The following SLC35D2 variants were observed in gnomAD, a reference collection of about 807,000 sequenced individuals.
SLC35D2 encodes the protein solute carrier family 35 member D2.
In SLC35D2, 43 loss-of-function variants were observed where a neutral mutation model predicts 41.8. The ratio of observed to expected loss-of-function variants is 1.03; its 90% CI spans 0.81 to 1.33. The LOEUF is 1.33. Ranked by LOEUF, SLC35D2 falls within the 40% of genes most tolerant of loss-of-function variation. The pLI, the probability that SLC35D2 is intolerant of heterozygous loss-of-function variation, is 0.00. For synonymous variants in SLC35D2, 150 were observed against 163.9 expected, an observed-to-expected ratio of 0.92 and a Z score of 0.65; for missense variants, 380 against 408.4, an observed-to-expected ratio of 0.93 and a Z score of 0.60.
chr9:96,315,887 T>G (rs979832741), downstream of SLC35D2, among the ~76,000 whole-genome samples: 27 of 152,218 alleles, frequency 1.8e-4, no homozygotes, highest in Non-Finnish European at 2.4e-4. Flanking sequence ...TTTAATGTGA[T>G]GTACTGAAAA....
At chr9:96,325,932 T>A (rs778716828) in intron 9 of SLC35D2, among the ~76,000 whole-genome samples, 5 of 152,100 alleles carry the variant, frequency 3.3e-5, no homozygotes, top group Non-Finnish European at 5.9e-5. Context: ...CTAGAGGTGG[T>A]AGAGGGAAAA....
At position 96,355,751 on chromosome 9, in the gene SLC35D2, C is replaced by T. The variant is rs142855274; in HGVS notation, c.348-3642G>A. On this transcript the variant is annotated intron_variant, in intron 4 of 11. Coordinates refer to ENST00000253270, the MANE Select transcript of SLC35D2 (RefSeq NM_007001.3). The stretch of plus-strand genomic sequence containing the variant: ...ACCTCAGGTGATCCACCTGCCTTGG[C>T]CTCCAAAGTGCTGGGATTACAGGCG... Among the ~76,000 whole-genome samples, 696 of 152,216 alleles carry T rather than the reference C, an allele frequency of 4.6e-3. 6 individuals carry two copies. The highest frequency in any genetic ancestry group is 0.037 in the Middle Eastern group (11 of 294).
intron 1 of SLC35D2, 94 bp from the exon 2 acceptor site, chr9:96,368,399 G>A (rs1587715034): frequency 2.2e-6 from 2 of 928,766 alleles, no homozygotes; most frequent in Non-Finnish European, 3.2e-6. Flanking sequence ...AACAATCTGA[G>A]AAAATGAAAA....
chr9:96,324,549 C>CTTT lies in SLC35D2; in HGVS notation c.753-383_753-381dup, dbSNP rs57775451. Among the ~76,000 whole-genome samples, 295 of 117,746 alleles carry CTTT rather than the reference C, an allele frequency of 2.5e-3. 14 individuals are homozygous for CTTT. Among genetic ancestry groups the CTTT allele is most frequent in the Middle Eastern group, 5.0e-3 (1 of 200 alleles). 77.2% of individuals were successfully genotyped at this position (117,746 alleles called of 152,430 possible). On this transcript the variant is annotated intron_variant, in intron 9 of 11. Coordinates refer to ENST00000253270, the MANE Select transcript of SLC35D2 (RefSeq NM_007001.3). ...CTGTGCCTCAGAATCGCCTGCTGCA[C>CTTT]TTTTTTTTTTTTTTTTTGGTGGGGA...
At position 96,355,848 on chromosome 9, in the gene SLC35D2, T is replaced by C. The variant is rs73538918; in HGVS notation, c.348-3739A>G. On this transcript the variant is annotated intron_variant, in intron 4 of 11. Transcript: ENST00000253270. ...AGAAAGTAATGAAGACCTAAATAAA[T>C]GGAAAGACACTCCATGTTCATGGAT... Among the ~76,000 whole-genome samples the C allele has an allele frequency of 2.7e-3, 413 of 152,262 alleles. 1 individual carries two copies. Among genetic ancestry groups the C allele is most frequent in the African/African-American group, 9.0e-3 (376 of 41,548 alleles).
At chr9:96,378,076 A>G (rs1198610664) in intron 1 of SLC35D2, among the ~76,000 whole-genome samples, 1 of 142,908 alleles carries the variant, frequency 7.0e-6, no homozygotes. Flanking sequence ...GAGGATTCCA[A>G]TTCAGTACCT....
chr9:96,330,963 C>G (rs1236547428), intron 9 of SLC35D2, among the ~76,000 whole-genome samples: 3 of 152,128 alleles, frequency 2.0e-5, no homozygotes, highest in Non-Finnish European at 4.4e-5. Context: ...AATGGCACAG[C>G]CTCGGCTCAC....
rs1830047737 is a variant in SLC35D2, at chr9:96,356,852, G to A, written c.347+3302C>T. 2.6e-5 allele frequency among the ~76,000 whole-genome samples: 4 copies of A among 152,030 alleles called. No homozygotes were observed. In the South Asian group the frequency reaches 8.3e-4, roughly 32 times the overall value. ...ACTGTGCTACCACACTCCAGCCTGG[G>A]TGACAGAGCAAGACCCTGTCTCAAA... is the stretch of plus-strand genomic sequence containing the variant. On this transcript the variant is annotated intron_variant, in intron 4 of 11. Transcript: ENST00000253270.
chr9:96,358,078 T>TAATATATATATATATATA (rs1491320526), intron 4 of SLC35D2, among the ~76,000 whole-genome samples: 1 of 79,254 alleles, frequency 1.3e-5, no homozygotes, highest in Non-Finnish European at 2.4e-5. Flanking sequence ...ATATTATATA[T>TAATATATATATATATATA]TTTATATATA....
At chr9:96,334,892 G>A (rs969195152) in intron 9 of SLC35D2, among the ~76,000 whole-genome samples, 2 of 152,156 alleles carry the variant, frequency 1.3e-5, no homozygotes, top group Non-Finnish European at 2.9e-5. Context: ...GGAAAAAACT[G>A]TGGAACTTTT....
chr9:96,315,877 T>C (rs1191765145), downstream of SLC35D2, among the ~76,000 whole-genome samples: 1 of 152,220 alleles, frequency 6.6e-6, no homozygotes, highest in Non-Finnish European at 1.5e-5. Context: ...ACACACTATT[T>C]TTAATGTGAT....
chr9:96,366,258 C>T (rs575578865), intron 2 of SLC35D2, among the ~76,000 whole-genome samples: 9 of 138,602 alleles, frequency 6.5e-5, no homozygotes, highest in Non-Finnish European at 1.4e-4. Context: ...ACCAAGATCA[C>T]ACCACTGTAC....
At chr9:96,345,249 T>C (rs1353601528) in intron 7 of SLC35D2, 50 bp downstream of exon 7, 1 of 903,706 alleles carries the variant, frequency 1.1e-6, no homozygotes, top group Non-Finnish European at 1.8e-6. Flanking sequence ...TTTCATATAA[T>C]TCTAGGGGCC....
chr9:96,343,818 C>T (rs1368976704), intron 8 of SLC35D2, 86 bp downstream of exon 8: 5 of 822,368 alleles, frequency 6.1e-6, no homozygotes, highest in Non-Finnish European at 9.3e-6. Context: ...TAACTTTACA[C>T]TTTTTGTTTC....
chr9:96,374,532 C>CA (rs35986252), intron 1 of SLC35D2, among the ~76,000 whole-genome samples: 1,298 of 82,274 alleles, frequency 0.016, 12 homozygotes, highest in African/African-American at 0.026. Flanking sequence ...GACTCCGTCT[C>CA]AAAAAAAAAA....
At chr9:96,318,906 C>T (rs1282281319), downstream of SLC35D2, among the ~76,000 whole-genome samples, 1 of 151,966 alleles carries the variant, frequency 6.6e-6, no homozygotes, top group Non-Finnish European at 1.5e-5. Flanking sequence ...AAATTGGAAC[C>T]CTTGATGGCG....
chr9:96,383,162 C>A (rs747986237), intron 1 of SLC35D2, among the ~76,000 whole-genome samples: 1 of 152,200 alleles, frequency 6.6e-6, no homozygotes, highest in Admixed American at 6.5e-5. Flanking sequence ...TCCTTTGAAG[C>A]AGGCATTTGA....
At position 96,344,005 on chromosome 9, in the gene SLC35D2, A is replaced by G; in HGVS notation, c.592-9T>C. On this transcript the variant is annotated splice_polypyrimidine_tract_variant and intron_variant, in intron 7 of 11. Coordinates refer to ENST00000253270, the MANE Select transcript of SLC35D2 (RefSeq NM_007001.3). ...CCGTATTTCCCTAGCTCCTGCAAAA[A>G]CAAAAATGTAAAAACCACTCAGTTT... 6.4e-7 allele frequency: 1 copy of G among 1,568,940 alleles called. No homozygotes were observed. The highest frequency in any genetic ancestry group is 8.6e-7 in the Non-Finnish European group (1 of 1,160,732).
At chr9:96,368,440 C>CT (rs538824791) in intron 1 of SLC35D2, 135 bp from the exon 2 acceptor site, 28,125 of 579,412 alleles carry the variant, frequency 0.049, 1 homozygote, top group East Asian at 0.062. Context: ...TCATTTAATT[C>CT]TTTTTTTTTT....
Sources: gnomAD v4.1 joint callset for allele counts (sites outside exome capture counted in the v4.1 genomes callset) on GRCh38, gnomAD v4.1.1 for gene constraint, MANE v1.5 for transcripts, NCBI Gene and HGNC (gene_info 2026-07-23, HGNC 2026-07-21) for gene names.